The following PDE10A variants were observed in gnomAD, a reference collection of about 807,000 sequenced individuals.
PDE10A encodes the protein cAMP and cAMP-inhibited cGMP 3',5'-cyclic phosphodiesterase 10A.
Under a neutral mutation model 97.7 loss-of-function variants are expected in PDE10A, and 39 were observed. That is an observed-to-expected ratio of 0.40 (90% CI 0.31 to 0.52). The LOEUF (loss-of-function observed/expected upper bound fraction) is 0.52, where lower values mean the gene tolerates loss of function less well. PDE10A is among the 20% of genes least tolerant of loss of function. The pLI is 0.56. For synonymous variants in PDE10A, 371 were observed against 376.8 expected, an observed-to-expected ratio of 0.98 and a Z score of 0.18; for missense variants, 731 against 1,047.8, an observed-to-expected ratio of 0.70 and a Z score of 4.17.
chr6:165,616,780 G>A (rs1583650674), intron 1 of PDE10A, among the ~76,000 whole-genome samples: 1 of 152,142 alleles, frequency 6.6e-6, no homozygotes, highest in Admixed American at 6.5e-5. Context: ...GAAAATTAGA[G>A]CTGATCTCTG....
chr6:165,526,808 C>A (rs1782474989), intron 2 of PDE10A, among the ~76,000 whole-genome samples: 1 of 152,196 alleles, frequency 6.6e-6, no homozygotes, highest in Non-Finnish European at 1.5e-5. Flanking sequence ...CCATAAGGCC[C>A]AGCAGAAGCA....
chr6:165,360,220 C>A (rs1233571139), intron 18 of PDE10A, among the ~76,000 whole-genome samples: 1 of 152,156 alleles, frequency 6.6e-6, no homozygotes, highest in Non-Finnish European at 1.5e-5. Context: ...TAACTCTGCA[C>A]ACTGTGGCAC....
chr6:165,604,343 A>C (rs1053803751), intron 1 of PDE10A, among the ~76,000 whole-genome samples: 5 of 152,086 alleles, frequency 3.3e-5, no homozygotes, highest in Non-Finnish European at 5.9e-5. Flanking sequence ...GATAGTTTCG[A>C]GTACCATTCA....
In PDE10A at chr6:165,958,568, AGACAGAAAGAAAGACAGAAAG is replaced by A. The variant is rs1784238478; in HGVS notation, c.-615+28940_-615+28960del. Reference sequence around the variant, plus strand: ...AAGAAAGAAAGAAAGAAAGAAAGACAGACAGAAAGAAAGACAGAAAGAGAGAAAGAAAGAGAGAAAGGAAGG... The same window carrying A: ...AAGAAAGAAAGAAAGAAAGAAAGACAAGAGAAAGAAAGAGAGAAAGGAAGG... On this transcript the variant is annotated intron_variant, in intron 1 of 19. Transcript: ENST00000366882. Among the ~76,000 whole-genome samples the A allele has an allele frequency of 1.7e-3, 17 of 9,872 alleles. 1 individual carries two copies. Among genetic ancestry groups the A allele is most frequent in the East Asian group, 4.4e-3 (1 of 226 alleles). The allele number at this position is 9,872 out of a possible 152,430, so 6.5% of individuals were successfully genotyped here.
intron 1 of PDE10A, among the ~76,000 whole-genome samples, chr6:165,952,658 C>G (rs1052000814): frequency 7.9e-5 from 12 of 152,320 alleles, no homozygotes; most frequent in African/African-American, 2.9e-4. Context: ...AACTCCCCGC[C>G]TGGGCAGAGA....
At chr6:165,963,239 C>G (rs144342270) in intron 1 of PDE10A, among the ~76,000 whole-genome samples, 1 of 152,198 alleles carries the variant, frequency 6.6e-6, no homozygotes, top group African/African-American at 2.4e-5. Flanking sequence ...TGTTCTTAAT[C>G]TCCCATCCAG....
At chr6:165,850,627 C>T (rs546626214) in intron 1 of PDE10A, among the ~76,000 whole-genome samples, 1 of 152,228 alleles carries the variant, frequency 6.6e-6, no homozygotes, top group East Asian at 1.9e-4. Context: ...AGCTGGGTGC[C>T]CTCTGCTGGC....
chr6:165,559,443 G>A (rs1233934950), intron 1 of PDE10A, among the ~76,000 whole-genome samples: 2 of 151,958 alleles, frequency 1.3e-5, no homozygotes, highest in East Asian at 3.9e-4. Context: ...CTATATTATT[G>A]GTTTAAATCA....
chr6:165,573,733 G>C (rs1785165079), intron 1 of PDE10A, among the ~76,000 whole-genome samples: 5 of 152,058 alleles, frequency 3.3e-5, no homozygotes, highest in Non-Finnish European at 1.5e-5. Context: ...CATTTAAACA[G>C]ACAGGAATCT....
intron 1 of PDE10A, among the ~76,000 whole-genome samples, chr6:165,845,283 G>A (rs1780382771): frequency 6.6e-6 from 1 of 152,162 alleles, no homozygotes; most frequent in Admixed American, 6.5e-5. Context: ...ATGTGATGTG[G>A]GGTTAGCAAC....
At chr6:165,911,233 C>T (rs1460389620) in intron 1 of PDE10A, among the ~76,000 whole-genome samples, 2 of 152,148 alleles carry the variant, frequency 1.3e-5, no homozygotes, top group African/African-American at 2.4e-5. Context: ...ACAAACTCTT[C>T]TCCAAAATAA....
chr6:165,459,570 T>C (rs556049946), intron 3 of PDE10A, among the ~76,000 whole-genome samples: 1 of 125,850 alleles, frequency 7.9e-6, no homozygotes, highest in South Asian at 2.3e-4. Flanking sequence ...GATAGATAGA[T>C]AATGATAGAT....
chr6:165,437,882 T>C (rs568940626), intron 5 of PDE10A, among the ~76,000 whole-genome samples: 1 of 152,366 alleles, frequency 6.6e-6, no homozygotes, highest in East Asian at 1.9e-4. Flanking sequence ...AGCTCCTTTT[T>C]AATATCCATT....
At chr6:165,443,624 A>G (rs1790631543) in intron 5 of PDE10A, among the ~76,000 whole-genome samples, 4 of 152,098 alleles carry the variant, frequency 2.6e-5, no homozygotes, top group African/African-American at 4.8e-5. Context: ...CAAATCCCAC[A>G]TTTCTCCTCT....
chr6:165,890,500 A>G (rs1296109032), intron 1 of PDE10A, among the ~76,000 whole-genome samples: 2 of 152,172 alleles, frequency 1.3e-5, no homozygotes, highest in East Asian at 3.8e-4. Context: ...CCTCATTAGA[A>G]GCTGCTGAGT....
chr6:165,821,030 T>C (rs1779553475), intron 1 of PDE10A, among the ~76,000 whole-genome samples: 3 of 152,202 alleles, frequency 2.0e-5, no homozygotes, highest in Admixed American at 2.0e-4. Context: ...AAACATACAT[T>C]GCACGTTGAT....
At position 165,832,239 on chromosome 6, in the gene PDE10A, C is replaced by T. The variant is rs572505409; in HGVS notation, c.-615+155290G>A. Among the ~76,000 whole-genome samples, 11 of 152,164 alleles carry T rather than the reference C, an allele frequency of 7.2e-5. No homozygotes were observed. In the South Asian group the frequency reaches 1.3e-3, roughly 17 times the overall value. On this transcript the variant is annotated intron_variant, in intron 1 of 19. Coordinates refer to the PDE10A transcript ENST00000366882. ...CTGTCACAAGCAACTGCAGCTTCCT[C>T]GGTGGGAGACAGAAGTGGTGGTGGG...
At chr6:165,964,314 T>G (rs145723571) in intron 1 of PDE10A, among the ~76,000 whole-genome samples, 1 of 152,304 alleles carries the variant, frequency 6.6e-6, no homozygotes, top group African/African-American at 2.4e-5. Flanking sequence ...CCTCATTTCA[T>G]AGACACCAAA....
intron 18 of PDE10A, among the ~76,000 whole-genome samples, chr6:165,354,469 A>C (rs886909774): frequency 3.9e-5 from 6 of 152,172 alleles, no homozygotes; most frequent in African/African-American, 7.2e-5. Context: ...TAAGATATAA[A>C]AGCCACTCCA....
Sources: gnomAD v4.1 joint callset for allele counts (sites outside exome capture counted in the v4.1 genomes callset) on GRCh38, gnomAD v4.1.1 for gene constraint, MANE v1.5 for transcripts, NCBI Gene and HGNC (gene_info 2026-07-23, HGNC 2026-07-21) for gene names.